The following NGEF variants were observed in gnomAD, a reference collection of about 807,000 sequenced individuals.
NGEF encodes the protein neuronal guanine nucleotide exchange factor, also known as ephexin-1.
In NGEF, 31 loss-of-function variants were observed where a neutral mutation model predicts 80.9. That is an observed-to-expected ratio of 0.38 (90% confidence interval 0.29 to 0.52). NGEF has a LOEUF of 0.52. NGEF is among the 20% of genes least tolerant of loss of function. The probability of loss-of-function intolerance (pLI) is 0.84; values close to 1 mark genes in which losing one functional copy is unlikely to be tolerated. For synonymous variants in NGEF, 371 were observed against 370.2 expected (o/e 1.00, Z -0.03); for missense variants, 709 against 926.2 (o/e 0.77, Z 3.04).
intron 3 of NGEF, among the ~76,000 whole-genome samples, chr2:232,969,439 C>T (rs1184538164): frequency 1.7e-5 from 1 of 59,480 alleles, no homozygotes; most frequent in Non-Finnish European, 3.1e-5. Flanking sequence ...CTCCCTCCCT[C>T]CCTCCCTCCC....
chr2:232,982,734 G>A (rs1261045458), intron 1 of NGEF, among the ~76,000 whole-genome samples: 3 of 152,160 alleles, frequency 2.0e-5, no homozygotes, highest in Non-Finnish European at 2.9e-5. Flanking sequence ...GGCTGGTCTC[G>A]AACTCCTGAC....
At chr2:232,969,544 C>A (rs1242757367) in intron 3 of NGEF, among the ~76,000 whole-genome samples, 1 of 146,800 alleles carries the variant, frequency 6.8e-6, no homozygotes, top group Non-Finnish European at 1.5e-5. Context: ...AGTCTCACTC[C>A]ATCACCAGGA....
rs1004250379 is a variant in NGEF at position 232,882,193 on chromosome 2, C to T, written c.1830G>A (p.Arg610=). ...TACCCACCGGTGACTTACCCAGCAGCCGGGATGTGAACGAAACAAACTTGG... is the reference window on the plus strand; with the variant it reads ...TACCCACCGGTGACTTACCCAGCAGTCGGGATGTGAACGAAACAAACTTGG... The part of the protein sequence containing the change: ...RRTKFVSFTS[R]LLDCPQVQCV... Residue 610 remains arginine, a synonymous_variant, in exon 13 of 15, where the codon CGG becomes CGA. Transcript: ENST00000264051. The T allele has an allele frequency of 1.2e-6, 2 of 1,613,668 alleles. No homozygotes were observed. Among genetic ancestry groups the T allele is most frequent in the African/African-American group, 2.7e-5 (2 of 75,046 alleles).
chr2:232,982,274 G>T (rs1384533444), intron 1 of NGEF, among the ~76,000 whole-genome samples: 2 of 152,192 alleles, frequency 1.3e-5, no homozygotes, highest in African/African-American at 4.8e-5. Flanking sequence ...AGGTGGGGCA[G>T]GTGGCCAGGA....
chr2:232,907,170 AAAAG>A (rs1273949139), intron 5 of NGEF, among the ~76,000 whole-genome samples: 21 of 123,448 alleles, frequency 1.7e-4, no homozygotes, highest in African/African-American at 6.1e-4. Context: ...AAAAAAAAAA[AAAAG>A]AAAAGAAAAA....
In NGEF at chr2:232,879,682, G is replaced by A; in HGVS notation, c.1943-3C>T. 1 of 1,606,368 alleles carries A rather than the reference G, an allele frequency of 6.2e-7. No homozygotes were observed. The highest frequency in any genetic ancestry group is 8.5e-7 in the Non-Finnish European group (1 of 1,174,196). Reference sequence around the variant, plus strand: ...CAGACGCTCGCCAAAGATCCACCCTGTGCAGGGAGGGGAGGGAGAGAAGGT... The same window carrying A: ...CAGACGCTCGCCAAAGATCCACCCTATGCAGGGAGGGGAGGGAGAGAAGGT... On this transcript the variant is annotated splice_region_variant and splice_polypyrimidine_tract_variant and intron_variant, in intron 14 of 14. Transcript: ENST00000264051.
At chr2:233,004,476 C>A (rs1421189607) in intron 1 of NGEF, among the ~76,000 whole-genome samples, 1 of 152,224 alleles carries the variant, frequency 6.6e-6, no homozygotes, top group Non-Finnish European at 1.5e-5. Context: ...CTTCAGCCCC[C>A]TGGAATCTGC....
intron 2 of NGEF, among the ~76,000 whole-genome samples, chr2:232,971,730 T>C (rs1232919023): frequency 6.6e-6 from 1 of 152,178 alleles, no homozygotes; most frequent in African/African-American, 2.4e-5. Flanking sequence ...AAAACATTTA[T>C]GGCTGGACAT....
chr2:232,990,874 T>A (rs1694637156), intron 1 of NGEF, among the ~76,000 whole-genome samples: 1 of 151,980 alleles, frequency 6.6e-6, no homozygotes, highest in East Asian at 1.9e-4. Context: ...ATGAAAAGAA[T>A]TATATACTAT....
At chr2:232,936,900 C>G (rs1424254283) in intron 3 of NGEF, among the ~76,000 whole-genome samples, 1 of 152,216 alleles carries the variant, frequency 6.6e-6, no homozygotes, top group Non-Finnish European at 1.5e-5. Context: ...CCGTTCATGT[C>G]AAAAGTGAGA....
In NGEF at chr2:232,929,037, C is replaced by T. The variant is rs546013168; in HGVS notation, c.384-1851G>A. ...TGCCCCCCGCCTACCCTCGCGAAGGCCCCTGGCGCGCTGCCCGGTGTCCTT... is the reference window on the plus strand; with the variant it reads ...TGCCCCCCGCCTACCCTCGCGAAGGTCCCTGGCGCGCTGCCCGGTGTCCTT... On this transcript the variant is annotated intron_variant, in intron 3 of 14. Transcript: ENST00000264051. 1.3e-3 allele frequency among the ~76,000 whole-genome samples: 192 copies of T among 152,300 alleles called. 1 individual carries two copies. The highest frequency in any genetic ancestry group is 4.2e-3 in the African/African-American group (175 of 41,578).
chr2:232,954,180 C>A (rs1178329217), intron 3 of NGEF, among the ~76,000 whole-genome samples: 1 of 152,016 alleles, frequency 6.6e-6, no homozygotes, highest in African/African-American at 2.4e-5. Flanking sequence ...GTGAATGGAG[C>A]CCTCTCAAGC....
intron 1 of NGEF, among the ~76,000 whole-genome samples, chr2:232,994,369 CAAA>C (rs10591943): frequency 0.18 from 22,589 of 128,748 alleles, 1,648 homozygotes; most frequent in South Asian, 0.31. Context: ...GACTTTGTCT[CAAA>C]AAAAAAAAAA....
At chr2:232,986,285 T>C (rs968064834) in intron 1 of NGEF, among the ~76,000 whole-genome samples, 2 of 152,134 alleles carry the variant, frequency 1.3e-5, no homozygotes, top group African/African-American at 4.8e-5. Context: ...GAACAGCTAT[T>C]ATGGAAAACA....
intron 3 of NGEF, among the ~76,000 whole-genome samples, chr2:232,934,505 T>G (rs1420547042): frequency 6.6e-6 from 1 of 152,170 alleles, no homozygotes; most frequent in African/African-American, 2.4e-5. Flanking sequence ...AAAATCAGTT[T>G]AGAAAGTCAC....
At chr2:232,882,375 G>A (rs1301304959) in intron 12 of NGEF, 110 bp from the exon 13 acceptor site, 2 of 994,252 alleles carry the variant, frequency 2.0e-6, no homozygotes, top group Non-Finnish European at 3.1e-6. Context: ...CCACCATCCT[G>A]AGCACCGCTC....
chr2:232,923,286 T>G (rs981310349), intron 4 of NGEF, among the ~76,000 whole-genome samples: 20 of 152,124 alleles, frequency 1.3e-4, no homozygotes, highest in African/African-American at 4.8e-4. Context: ...GTAGCTGGGT[T>G]GAAAAGAATA....
chr2:232,969,599 C>G (rs1405391696), intron 3 of NGEF, among the ~76,000 whole-genome samples: 2 of 151,222 alleles, frequency 1.3e-5, no homozygotes, highest in African/African-American at 2.4e-5. Context: ...ACCTCCACAT[C>G]CCGGGTTCAA....
chr2:232,945,649 G>A (rs1693541866), intron 3 of NGEF, among the ~76,000 whole-genome samples: 1 of 151,158 alleles, frequency 6.6e-6, no homozygotes, highest in East Asian at 1.9e-4. Flanking sequence ...AGGGAGTGTG[G>A]TCCTGACGAT....
Sources: gnomAD v4.1 joint callset for allele counts (sites outside exome capture counted in the v4.1 genomes callset) on GRCh38, gnomAD v4.1.1 for gene constraint, MANE v1.5 for transcripts, NCBI Gene and HGNC (gene_info 2026-07-23, HGNC 2026-07-21) for gene names.